Variants in HNRNPR observed in about 807,000 individuals in gnomAD.
The protein encoded by HNRNPR is heterogeneous nuclear ribonucleoprotein R.
In HNRNPR, 4 loss-of-function variants were observed where a neutral mutation model predicts 70.3. That is an observed-to-expected ratio of 0.06 (90% CI 0.03 to 0.13). The LOEUF (loss-of-function observed/expected upper bound fraction) is 0.13. Ranked by LOEUF, HNRNPR falls within the 10% of genes least tolerant of loss-of-function variation. The pLI is 1.00. For missense variants in HNRNPR, 423 were observed against 788.5 expected (o/e 0.54, Z 5.55); for synonymous variants, 241 against 267.6 (o/e 0.90, Z 0.97).
chr1:23,305,674 G>A lies in HNRNPR; in HGVS notation c.*4780C>T, dbSNP rs983322832. ...TCATGGAATCCCCTACAAACTATAA[G>A]ATGAGGGATTTTAATCTTTAGCAAT... On this transcript the variant is annotated 3_prime_UTR_variant, in exon 11 of 11. Coordinates refer to ENST00000302271, the MANE Select transcript of HNRNPR (RefSeq NM_005826.5). The A allele has an allele frequency of 1.4e-4, 22 of 152,010 alleles. No homozygotes were observed. Among genetic ancestry groups the A allele is most frequent in the African/African-American group, 5.3e-4 (22 of 41,410 alleles). The allele number at this position is 152,010 out of a possible 1,614,324, so 9.4% of individuals were successfully genotyped here. A position where few individuals can be genotyped will look rare whatever the true frequency, so the allele number is the denominator to read the frequency against.
chr1:23,317,404 G>A lies in HNRNPR; in HGVS notation c.1017+1079C>T, dbSNP rs193225846. Among the ~76,000 whole-genome samples, 718 of 152,108 alleles carry A rather than the reference G, an allele frequency of 4.7e-3. 3 individuals are homozygous for A. The highest frequency in any genetic ancestry group is 6.7e-3 in the Admixed American group (103 of 15,284). Reference sequence around the variant, plus strand: ...ACCCAGGAGGCAGAGCTTGCCGTGAGTGGAGATCGCGCCACTGCACTCCAG... The same window carrying A: ...ACCCAGGAGGCAGAGCTTGCCGTGAATGGAGATCGCGCCACTGCACTCCAG... On this transcript the variant is annotated intron_variant, in intron 8 of 10. Transcript: ENST00000302271.
intron 4 of HNRNPR, among the ~76,000 whole-genome samples, chr1:23,334,424 G>C (rs1461885208): frequency 6.6e-6 from 1 of 151,668 alleles, no homozygotes; most frequent in African/African-American, 2.4e-5. Context: ...TTTTAGTAAA[G>C]ACAGGGTTTC....
chr1:23,311,363 C>T (rs767079927), intron 9 of HNRNPR, 41 bp from the exon 10 acceptor site: 24 of 1,338,768 alleles, frequency 1.8e-5, no homozygotes, highest in Non-Finnish European at 2.2e-5. Context: ...CGATATAAAA[C>T]TGTATTTTGT....
chr1:23,340,342 C>G (rs1570133412), intron 2 of HNRNPR, among the ~76,000 whole-genome samples: 1 of 151,506 alleles, frequency 6.6e-6, no homozygotes, highest in African/African-American at 2.4e-5. Context: ...CTGTTACAAC[C>G]AAACACTTCC....
chr1:23,333,179 T>C (rs111592960), intron 5 of HNRNPR, among the ~76,000 whole-genome samples: 1,772 of 152,082 alleles, frequency 0.012, 33 homozygotes, highest in African/African-American at 0.041. Flanking sequence ...CGAAACTCCA[T>C]CTCAGGGGAG....
chr1:23,316,344 A>G (rs10917370), intron 8 of HNRNPR, among the ~76,000 whole-genome samples: 27,156 of 152,038 alleles, frequency 0.18, 2,859 homozygotes, highest in Admixed American at 0.34. Context: ...GGGCTCCATA[A>G]TATTTAATCC....
chr1:23,333,612 C>G lies in HNRNPR; in HGVS notation c.404G>C (p.Gly135Ala). The G allele has an allele frequency of 6.2e-7, 1 of 1,609,984 alleles. No individual in the cohort carries two copies. The highest frequency in any genetic ancestry group is 8.5e-7 in the Non-Finnish European group (1 of 1,176,236). Residue 135 changes from glycine (G) to alanine (A), a missense_variant, in exon 5 of 11, where the codon GGT (glycine) becomes GCT (alanine). This residue lies in a region of HNRNPR where 118 missense variants were observed against 239.3 expected (regional missense o/e 0.49). Transcript: ENST00000302271. ...AKIKALLERT[G>A]YTLDVTTGQR... ...TCCTGTGGTTACATCCAGAGTATAA[C>G]CAGTTCTCTCAAGCAAGGCCTAGAG... is the stretch of plus-strand genomic sequence containing the variant.
intron 7 of HNRNPR, among the ~76,000 whole-genome samples, chr1:23,321,117 C>G (rs970363882): frequency 2.9e-5 from 4 of 138,844 alleles, no homozygotes; most frequent in Non-Finnish European, 6.0e-5. Flanking sequence ...GAGCCGAGAT[C>G]GTACCATTGC....
intron 5 of HNRNPR, among the ~76,000 whole-genome samples, chr1:23,330,332 T>C (rs1646165999): frequency 1.3e-5 from 2 of 152,032 alleles, no homozygotes; most frequent in Non-Finnish European, 2.9e-5. Context: ...GTCAAGAGTT[T>C]GAGACCAGCC....
intron 4 of HNRNPR, among the ~76,000 whole-genome samples, chr1:23,337,128 G>C (rs900248282): frequency 5.3e-5 from 8 of 152,058 alleles, no homozygotes; most frequent in Non-Finnish European, 8.8e-5. Flanking sequence ...TTTTTATCAA[G>C]AGAAAAGAAA....
At chr1:23,340,593 T>C (rs1216088645) in intron 2 of HNRNPR, among the ~76,000 whole-genome samples, 1 of 152,196 alleles carries the variant, frequency 6.6e-6, no homozygotes, top group Non-Finnish European at 1.5e-5. Context: ...TACATTTTTA[T>C]GGGTGGTAAA....
intron 1 of HNRNPR, among the ~76,000 whole-genome samples, chr1:23,342,452 T>A (rs1446701501): frequency 1.3e-5 from 2 of 152,186 alleles, no homozygotes; most frequent in Non-Finnish European, 2.9e-5. Context: ...ACGCAGACTG[T>A]GGTTAAATTC....
chr1:23,344,019 C>T (rs1392189140), intron 1 of HNRNPR, among the ~76,000 whole-genome samples, 192 bp downstream of exon 1: 3 of 152,010 alleles, frequency 2.0e-5, no homozygotes, highest in Non-Finnish European at 4.4e-5. Flanking sequence ...AGAGCGAGGG[C>T]GAGAAGCGTT....
At chr1:23,321,405 C>A in intron 7 of HNRNPR, 123 bp downstream of exon 7, 1 of 738,412 alleles carries the variant, frequency 1.4e-6, no homozygotes, top group African/African-American at 1.8e-5. Flanking sequence ...AGAAAGGAAG[C>A]AATTTAGATA....
intron 4 of HNRNPR, among the ~76,000 whole-genome samples, chr1:23,336,132 A>AAAAAG (rs1557927545): frequency 6.9e-6 from 1 of 144,446 alleles, no homozygotes; most frequent in African/African-American, 2.6e-5. Flanking sequence ...AAAAAAAAAA[A>AAAAAG]GTCTATCACA....
chr1:23,333,004 T>A (rs1375291731), intron 5 of HNRNPR, among the ~76,000 whole-genome samples: 1 of 151,986 alleles, frequency 6.6e-6, no homozygotes, highest in Non-Finnish European at 1.5e-5. Flanking sequence ...ACCAACATGG[T>A]GAAACCCCGT....
chr1:23,343,682 C>T (rs1376681508), intron 1 of HNRNPR, among the ~76,000 whole-genome samples: 1 of 152,236 alleles, frequency 6.6e-6, no homozygotes, highest in African/African-American at 2.4e-5. Flanking sequence ...GCTTCCCACA[C>T]AAATCGGCCT....
At position 23,328,408 on chromosome 1, in the gene HNRNPR, G is replaced by C. The variant is rs55740039; in HGVS notation, c.499-4676C>G. Among the ~76,000 whole-genome samples the C allele has an allele frequency of 4.0e-3, 605 of 152,350 alleles. 5 individuals are homozygous for C. The highest frequency in any genetic ancestry group is 0.014 in the African/African-American group (570 of 41,582). On this transcript the variant is annotated intron_variant, in intron 5 of 10. Transcript: ENST00000302271. Reference sequence around the variant, plus strand: ...GTATAGTAGGGTGATAGCTATGAAGGTGGTAAGAATGTGAGCAACAGTGAG... The same window carrying C: ...GTATAGTAGGGTGATAGCTATGAAGCTGGTAAGAATGTGAGCAACAGTGAG...
At chr1:23,341,904 G>T (rs1167754725) in intron 1 of HNRNPR, among the ~76,000 whole-genome samples, 1 of 152,132 alleles carries the variant, frequency 6.6e-6, no homozygotes, top group East Asian at 1.9e-4. Context: ...AGGTAATGCT[G>T]AAATGGACTG....
Sources: gnomAD v4.1 joint callset for allele counts (sites outside exome capture counted in the v4.1 genomes callset) on GRCh38, gnomAD v4.1.1 for gene constraint, gnomAD v4.1.1 regional missense constraint, MANE v1.5 for transcripts, NCBI Gene and HGNC (gene_info 2026-07-23, HGNC 2026-07-21) for gene names.